The following LRRC69 variants were observed in gnomAD, a reference collection of about 807,000 sequenced individuals.
The protein encoded by LRRC69 is leucine rich repeat containing 69, also known as leucine-rich repeat-containing protein 69.
LRRC69 carries 42 observed loss-of-function variants against 37.8 expected under a neutral mutation model. The ratio of observed to expected loss-of-function variants is 1.11; its 90% CI spans 0.87 to 1.44. LRRC69 has a LOEUF of 1.44. LRRC69 is among the 40% of genes most tolerant of loss of function. The pLI, the probability that LRRC69 is intolerant of heterozygous loss-of-function variation, is 0.00. For synonymous variants in LRRC69, 141 were observed against 143.1 expected (o/e 0.99, Z 0.11); for missense variants, 357 against 401.9 (o/e 0.89, Z 0.96).
chr8:91,206,571 T>C, intron 7 of LRRC69: 1 of 733,860 alleles, frequency 1.4e-6, no homozygotes, highest in South Asian at 1.8e-5. Context: ...CAAAACATCC[T>C]GCTTTCCACT....
intron 5 of LRRC69, among the ~76,000 whole-genome samples, chr8:91,161,661 G>A (rs943489517): frequency 2.0e-5 from 3 of 151,032 alleles, no homozygotes; most frequent in Non-Finnish European, 4.4e-5. Context: ...CTAATTTTAT[G>A]TATTGGAATC....
At chr8:91,109,650 G>C (rs1032815991) in intron 1 of LRRC69, among the ~76,000 whole-genome samples, 3 of 151,964 alleles carry the variant, frequency 2.0e-5, no homozygotes, top group African/African-American at 7.2e-5. Context: ...TGCCAGTAGA[G>C]AATCCTTCTT....
intron 5 of LRRC69, among the ~76,000 whole-genome samples, chr8:91,171,616 A>G (rs1390136914): frequency 2.0e-5 from 3 of 152,048 alleles, no homozygotes; most frequent in African/African-American, 2.4e-5. Flanking sequence ...GGAAGATCAT[A>G]TCCACGTTGG....
At chr8:91,141,961 ATCTT>A (rs1455806765) in intron 5 of LRRC69, among the ~76,000 whole-genome samples, 2 of 152,008 alleles carry the variant, frequency 1.3e-5, no homozygotes, top group African/African-American at 4.8e-5. Context: ...GATTACTAAT[ATCTT>A]TCTTTAGGTC....
intron 1 of LRRC69, among the ~76,000 whole-genome samples, chr8:91,104,814 T>C (rs924473870): frequency 2.0e-5 from 3 of 152,110 alleles, no homozygotes; most frequent in Non-Finnish European, 2.9e-5. Context: ...GTTAAATTGT[T>C]TGATCCCTTG....
intron 1 of LRRC69, among the ~76,000 whole-genome samples, chr8:91,110,609 A>G (rs1249008451): frequency 6.6e-6 from 1 of 151,964 alleles, no homozygotes; most frequent in Non-Finnish European, 1.5e-5. Context: ...ATTGCACACC[A>G]GCCTGGGTAA....
At chr8:91,141,269 G>A (rs1214328990) in intron 5 of LRRC69, among the ~76,000 whole-genome samples, 1 of 152,006 alleles carries the variant, frequency 6.6e-6, no homozygotes, top group Non-Finnish European at 1.5e-5. Flanking sequence ...ACAAACTGGG[G>A]CTTAAAGGAC....
At chr8:91,218,327 A>T (rs1354899420) in intron 7 of LRRC69, among the ~76,000 whole-genome samples, 1 of 92,336 alleles carries the variant, frequency 1.1e-5, no homozygotes, top group Non-Finnish European at 2.3e-5. Flanking sequence ...AAATTGGCTA[A>T]CAGGATTTTG....
At chr8:91,166,769 G>A (rs977923315) in intron 5 of LRRC69, among the ~76,000 whole-genome samples, 1 of 151,740 alleles carries the variant, frequency 6.6e-6, no homozygotes, top group African/African-American at 2.4e-5. Context: ...AGTGCCCTGG[G>A]GAATGGCAAG....
chr8:91,126,660 T>C (rs904002722), intron 2 of LRRC69, among the ~76,000 whole-genome samples: 2 of 151,912 alleles, frequency 1.3e-5, no homozygotes, highest in Non-Finnish European at 2.9e-5. Context: ...AGTTGTGATA[T>C]GGTTATGAGT....
intron 7 of LRRC69, among the ~76,000 whole-genome samples, chr8:91,216,490 G>T (rs1296826281): frequency 6.6e-6 from 1 of 152,062 alleles, no homozygotes; most frequent in East Asian, 1.9e-4. Context: ...CTTGGTTCTT[G>T]GCTCTATTAA....
intron 5 of LRRC69, among the ~76,000 whole-genome samples, chr8:91,168,007 C>T (rs1809058966): frequency 6.6e-6 from 1 of 151,626 alleles, no homozygotes; most frequent in Non-Finnish European, 1.5e-5. Flanking sequence ...TTTTGTATGC[C>T]AGGAACTTTT....
chr8:91,119,490 A>G (rs34520902), intron 1 of LRRC69, among the ~76,000 whole-genome samples: 70,301 of 151,808 alleles, frequency 0.46, 17,964 homozygotes, highest in South Asian at 0.65. Context: ...TCCAAGCTAC[A>G]TTCTTGGTTG....
At chr8:91,120,100 AT>A (rs1813593529) in intron 1 of LRRC69, among the ~76,000 whole-genome samples, 1 of 151,966 alleles carries the variant, frequency 6.6e-6, no homozygotes, top group South Asian at 2.1e-4. Context: ...TCTTACAAGA[AT>A]TGTCTATTAG....
intron 5 of LRRC69, among the ~76,000 whole-genome samples, chr8:91,140,344 G>A (rs1808510807): frequency 6.6e-6 from 1 of 151,820 alleles, no homozygotes; most frequent in African/African-American, 2.4e-5. Flanking sequence ...TTGAATGAAT[G>A]GGTATTAAGA....
intron 6 of LRRC69, among the ~76,000 whole-genome samples, chr8:91,197,021 GTGTGGA>G: frequency 6.6e-6 from 1 of 151,192 alleles, no homozygotes; most frequent in South Asian, 2.1e-4. Flanking sequence ...TGGGTTTTTG[GTGTGGA>G]TGTCCTTTCT....
intron 2 of LRRC69, 126 bp downstream of exon 2, chr8:91,124,745 T>G: frequency 1.3e-6 from 1 of 770,420 alleles, no homozygotes; most frequent in Non-Finnish European, 2.0e-6. Context: ...ATTTACATAC[T>G]ACTCTTGAAA....
At chr8:91,129,830 G>C (rs1046348978) in intron 3 of LRRC69, among the ~76,000 whole-genome samples, 1 of 151,772 alleles carries the variant, frequency 6.6e-6, no homozygotes, top group African/African-American at 2.4e-5. Flanking sequence ...CGTGTCTTTT[G>C]CTTTTGCTTC....
At chr8:91,186,739 A>G (rs1280170698) in intron 5 of LRRC69, among the ~76,000 whole-genome samples, 1 of 152,138 alleles carries the variant, frequency 6.6e-6, no homozygotes, top group Non-Finnish European at 1.5e-5. Flanking sequence ...CACATAAGAC[A>G]AAGGCCTCCA....
Sources: gnomAD v4.1 joint callset for allele counts (sites outside exome capture counted in the v4.1 genomes callset) on GRCh38, gnomAD v4.1.1 for gene constraint, MANE v1.5 for transcripts, NCBI Gene and HGNC (gene_info 2026-07-23, HGNC 2026-07-21) for gene names.